COL25A1: variants seen among roughly 807,000 people sequenced by gnomAD.
COL25A1 encodes collagen alpha-1(XXV) chain.
A neutral mutation model predicts 128.4 loss-of-function variants in COL25A1; 103 were observed. The observed-to-expected ratio is 0.80, with a 90% confidence interval of 0.68 to 0.94. The LOEUF is 0.94. Among genes scored for constraint, COL25A1 ranks in the 40% least tolerant of loss-of-function variants. COL25A1 has a pLI of 0.00. For missense variants in COL25A1, 745 were observed against 840.0 expected, an observed-to-expected ratio of 0.89 and a Z score of 1.40; for synonymous variants, 279 against 277.2, an observed-to-expected ratio of 1.01 and a Z score of -0.06.
At chr4:108,947,460 A>G (rs1748907387) in intron 8 of COL25A1, among the ~76,000 whole-genome samples, 1 of 151,980 alleles carries the variant, frequency 6.6e-6, no homozygotes, top group Non-Finnish European at 1.5e-5. Flanking sequence ...AAAGAAAAAG[A>G]AAAAGAAAGA....
intron 24 of COL25A1, among the ~76,000 whole-genome samples, chr4:108,855,284 T>G (rs1736362262): frequency 6.6e-6 from 1 of 151,774 alleles, no homozygotes; most frequent in Non-Finnish European, 1.5e-5. Flanking sequence ...CCCAGAATTT[T>G]ACACCACCAG....
Position 108,955,392 on chromosome 4 carries a change from A to G in COL25A1, c.493-13955T>C, listed in dbSNP as rs367928758. ...AAAACGAATTTGACTAAGAAAAAAA[A>G]AGATTTTTCAAGGGAAATGTGAGTC... On this transcript the variant is annotated intron_variant, in intron 8 of 37. Transcript: ENST00000399132. Among the ~76,000 whole-genome samples, 48 of 152,274 alleles carry G rather than the reference A, an allele frequency of 3.2e-4. No individual in the cohort carries two copies. In the South Asian group the frequency reaches 9.9e-3, roughly 32 times the overall value.
At chr4:108,966,623 G>A (rs1038860269) in intron 8 of COL25A1, among the ~76,000 whole-genome samples, 1 of 152,032 alleles carries the variant, frequency 6.6e-6, no homozygotes, top group Non-Finnish European at 1.5e-5. Flanking sequence ...GCTGAGGTAG[G>A]CACATCACTT....
intron 13 of COL25A1, among the ~76,000 whole-genome samples, chr4:108,913,799 A>G (rs777676654): frequency 4.5e-4 from 69 of 152,224 alleles, no homozygotes; most frequent in Non-Finnish European, 9.1e-4. Flanking sequence ...CACTATAAAC[A>G]TGGTTCTACT....
At chr4:109,194,107 AG>A (rs1180173658) in intron 3 of COL25A1, among the ~76,000 whole-genome samples, 1 of 152,236 alleles carries the variant, frequency 6.6e-6, no homozygotes, top group East Asian at 1.9e-4. Context: ...GGTCTAACTT[AG>A]ACTCTTTAAT....
intron 8 of COL25A1, among the ~76,000 whole-genome samples, chr4:108,950,873 T>C (rs138619435): frequency 3.4e-4 from 52 of 152,308 alleles, no homozygotes; most frequent in Non-Finnish European, 6.8e-4. Flanking sequence ...TCAATCCACA[T>C]GGAAAATGTG....
At chr4:109,261,064 G>C (rs981955504) in intron 3 of COL25A1, among the ~76,000 whole-genome samples, 4 of 152,132 alleles carry the variant, frequency 2.6e-5, no homozygotes, top group African/African-American at 7.2e-5. Context: ...AACCATAGAA[G>C]TGCTTAAGCA....
intron 3 of COL25A1, among the ~76,000 whole-genome samples, chr4:109,052,616 T>C (rs142335459): frequency 2.0e-5 from 3 of 152,322 alleles, no homozygotes; most frequent in Non-Finnish European, 4.4e-5. Flanking sequence ...TAATAAATTA[T>C]ACAAAACTCT....
chr4:109,245,804 C>T (rs752796070), intron 3 of COL25A1, among the ~76,000 whole-genome samples: 33 of 151,690 alleles, frequency 2.2e-4, no homozygotes, highest in Non-Finnish European at 4.0e-4. Flanking sequence ...ACAACTATAC[C>T]CCAAAGGTAG....
At chr4:109,247,260 G>A (rs549251076) in intron 3 of COL25A1, among the ~76,000 whole-genome samples, 21 of 152,088 alleles carry the variant, frequency 1.4e-4, no homozygotes, top group Non-Finnish European at 2.8e-4. Flanking sequence ...TGAAGCAGGA[G>A]AATGGCTTGA....
intron 5 of COL25A1, among the ~76,000 whole-genome samples, chr4:109,036,558 AT>A (rs958428464): frequency 1.3e-5 from 2 of 152,176 alleles, no homozygotes; most frequent in Non-Finnish European, 2.9e-5. Context: ...ATCAGGATAA[AT>A]AATCCACATA....
intron 3 of COL25A1, among the ~76,000 whole-genome samples, chr4:109,070,440 T>C (rs1430156436): frequency 6.6e-6 from 1 of 152,122 alleles, no homozygotes; most frequent in African/African-American, 2.4e-5. Context: ...TCTTTAATCA[T>C]ATTTGGTTAA....
At chr4:109,143,413 G>T (rs1770625773) in intron 3 of COL25A1, among the ~76,000 whole-genome samples, 1 of 151,948 alleles carries the variant, frequency 6.6e-6, no homozygotes, top group Admixed American at 6.6e-5. Flanking sequence ...GAGTATCTTT[G>T]TGGTGTTCTC....
At chr4:108,999,967 G>T (rs1264778605) in intron 6 of COL25A1, among the ~76,000 whole-genome samples, 1 of 152,136 alleles carries the variant, frequency 6.6e-6, no homozygotes, top group Non-Finnish European at 1.5e-5. Flanking sequence ...GGCCTGTTGT[G>T]GGGTGGGGGC....
At chr4:108,933,126 C>T (rs1292907985) in intron 11 of COL25A1, among the ~76,000 whole-genome samples, 1 of 152,178 alleles carries the variant, frequency 6.6e-6, no homozygotes, top group Non-Finnish European at 1.5e-5. Flanking sequence ...ATTACTTCTG[C>T]AATATAAACT....
intron 3 of COL25A1, among the ~76,000 whole-genome samples, chr4:109,228,858 G>A (rs1778978787): frequency 6.6e-6 from 1 of 152,206 alleles, no homozygotes; most frequent in Non-Finnish European, 1.5e-5. Context: ...CAGTGGCTAA[G>A]ATGTAGGAAA....
At position 108,863,362 on chromosome 4, in the gene COL25A1, G is replaced by A. The variant is rs1737494274; in HGVS notation, c.1109C>T (p.Pro370Leu). Reference protein sequence around the residue: ...TKGERGEAGPPGRGERGEPGA... With the variant: ...TKGERGEAGPLGRGERGEPGA... ...AGGTTCCCCTCGCTCACCTCTTCCA[G>A]GAGGCCCTGCTTCCCCCCGTTCACC... Residue 370 changes from proline to leucine, a missense_variant, in exon 21 of 38, where the codon CCT (proline) becomes CTT (leucine). Physicochemically the swap from Pro to Leu is moderately conservative, Grantham distance 98. This residue lies in a region of COL25A1 where 387 missense variants were observed against 441.9 expected (regional missense o/e 0.88). Transcript: ENST00000399132. 1.9e-6 allele frequency: 3 copies of A among 1,613,670 alleles called. No homozygotes were observed. The South Asian group carries it at 3.3e-5, about 18-fold the overall frequency.
At chr4:109,197,343 A>T (rs909522801) in intron 3 of COL25A1, among the ~76,000 whole-genome samples, 11 of 131,318 alleles carry the variant, frequency 8.4e-5, no homozygotes, top group African/African-American at 2.9e-4. Context: ...TATATATATT[A>T]TATATATATT....
At chr4:109,228,696 T>C (rs1051859494) in intron 3 of COL25A1, among the ~76,000 whole-genome samples, 1 of 152,120 alleles carries the variant, frequency 6.6e-6, no homozygotes, top group Admixed American at 6.5e-5. Context: ...AAAAATGAAT[T>C]TCACCCAGGC....
Sources: gnomAD v4.1 joint callset for allele counts (sites outside exome capture counted in the v4.1 genomes callset) on GRCh38, gnomAD v4.1.1 for gene constraint, gnomAD v4.1.1 regional missense constraint, MANE v1.5 for transcripts, NCBI Gene and HGNC (gene_info 2026-07-23, HGNC 2026-07-21) for gene names.